Variants in ATP10B observed in about 807,000 individuals in gnomAD.
ATP10B encodes ATPase phospholipid transporting 10B (putative).
ATP10B carries 122 observed loss-of-function variants against 141.2 expected under a neutral mutation model. That is an observed-to-expected ratio of 0.86 (90% CI 0.75 to 1.00). The LOEUF (loss-of-function observed/expected upper bound fraction) is 1.00, where lower values mean the gene tolerates loss of function less well. Ranked by LOEUF, ATP10B falls within the 50% of genes least tolerant of loss-of-function variation. The probability of loss-of-function intolerance (pLI) is 0.00; values close to 1 mark genes in which losing one functional copy is unlikely to be tolerated. For synonymous variants in ATP10B, 685 were observed against 692.0 expected, an observed-to-expected ratio of 0.99 and a Z score of 0.16; for missense variants, 1,876 against 1,825.3, an observed-to-expected ratio of 1.03 and a Z score of -0.51.
chr5:160,693,429 C>T (rs1764190151), intron 3 of ATP10B, among the ~76,000 whole-genome samples: 1 of 151,216 alleles, frequency 6.6e-6, no homozygotes, highest in Non-Finnish European at 1.5e-5. Context: ...CACACACACA[C>T]ACACACACAC....
chr5:160,741,898 A>G (rs1040768399), intron 2 of ATP10B, among the ~76,000 whole-genome samples: 1 of 152,226 alleles, frequency 6.6e-6, no homozygotes, highest in Non-Finnish European at 1.5e-5. Flanking sequence ...AGAAATATTT[A>G]TGGAGCACTT....
At chr5:160,812,857 G>A (rs986252249) in intron 1 of ATP10B, among the ~76,000 whole-genome samples, 1 of 151,852 alleles carries the variant, frequency 6.6e-6, no homozygotes, top group South Asian at 2.1e-4. Flanking sequence ...AGGGCTAACA[G>A]AACTTCCCAA....
At chr5:160,749,549 C>T (rs949978719) in intron 2 of ATP10B, among the ~76,000 whole-genome samples, 1 of 152,106 alleles carries the variant, frequency 6.6e-6, no homozygotes, top group East Asian at 1.9e-4. Context: ...ACGACTGTCA[C>T]TATCATCCCT....
At chr5:160,826,674 C>T (rs1030609238) in intron 1 of ATP10B, among the ~76,000 whole-genome samples, 1 of 152,108 alleles carries the variant, frequency 6.6e-6, no homozygotes, top group Non-Finnish European at 1.5e-5. Context: ...TATAAATGGA[C>T]ATGCAAGTAG....
chr5:160,905,101 TCTG>T, the ATP10B span, among the ~76,000 whole-genome samples: 8 of 152,206 alleles, frequency 5.3e-5, no homozygotes, highest in African/African-American at 1.9e-4. Context: ...TTACAACAAC[TCTG>T]CTATTTACAT....
chr5:160,927,410 C>T, the ATP10B span, among the ~76,000 whole-genome samples: 2 of 152,254 alleles, frequency 1.3e-5, no homozygotes, highest in East Asian at 1.9e-4. Flanking sequence ...GTCAGCAGAG[C>T]CAGTCTTACC....
At chr5:160,915,210 G>C in the ATP10B span, among the ~76,000 whole-genome samples, 1 of 152,212 alleles carries the variant, frequency 6.6e-6, no homozygotes, top group East Asian at 1.9e-4. Context: ...AGGTGGGGAA[G>C]TTGTTTGAAG....
intron 3 of ATP10B, among the ~76,000 whole-genome samples, chr5:160,702,348 C>T (rs1409947710): frequency 1.3e-5 from 2 of 152,110 alleles, no homozygotes; most frequent in Non-Finnish European, 2.9e-5. Context: ...GGTTAAGGAA[C>T]TTGAGAAATC....
intron 6 of ATP10B, among the ~76,000 whole-genome samples, chr5:160,670,942 G>T (rs1008697972): frequency 6.6e-6 from 1 of 151,894 alleles, no homozygotes; most frequent in Admixed American, 6.6e-5. Context: ...CGAGGTGGGT[G>T]GATCATGAGG....
At chr5:160,579,499 G>A (rs1312248696) in intron 24 of ATP10B, among the ~76,000 whole-genome samples, 1 of 152,100 alleles carries the variant, frequency 6.6e-6, no homozygotes, top group Non-Finnish European at 1.5e-5. Context: ...TGATTTCTGA[G>A]GCCTCTGTTC....
At chr5:160,732,638 T>A (rs1347531271) in intron 2 of ATP10B, among the ~76,000 whole-genome samples, 1 of 152,172 alleles carries the variant, frequency 6.6e-6, no homozygotes, top group African/African-American at 2.4e-5. Flanking sequence ...GGGTTCTCTA[T>A]TTTGTTCCAT....
At chr5:160,863,147 G>T in the ATP10B span, among the ~76,000 whole-genome samples, 2 of 151,876 alleles carry the variant, frequency 1.3e-5, no homozygotes, top group African/African-American at 4.8e-5. Flanking sequence ...CTTCCATTAT[G>T]GGATGGAGTT....
the ATP10B span, among the ~76,000 whole-genome samples, chr5:160,867,604 TATG>T: frequency 3.9e-5 from 6 of 152,142 alleles, no homozygotes; most frequent in African/African-American, 1.4e-4. Flanking sequence ...CATGTATCCA[TATG>T]ATATTTTTGA....
At chr5:160,870,807 C>A in the ATP10B span, among the ~76,000 whole-genome samples, 1 of 151,254 alleles carries the variant, frequency 6.6e-6, no homozygotes, top group Non-Finnish European at 1.5e-5. Context: ...TACAGAAAAT[C>A]AAAGACAAAG....
At chr5:160,596,748 AACAG>A (rs1756721062) in intron 22 of ATP10B, among the ~76,000 whole-genome samples, 2 of 152,162 alleles carry the variant, frequency 1.3e-5, no homozygotes, top group African/African-American at 4.8e-5. Flanking sequence ...ATACACCAAT[AACAG>A]ACAAACAGAG....
intron 2 of ATP10B, among the ~76,000 whole-genome samples, chr5:160,767,511 T>C (rs1420638277): frequency 6.6e-6 from 1 of 152,122 alleles, no homozygotes; most frequent in Non-Finnish European, 1.5e-5. Flanking sequence ...CCAAAGTCTC[T>C]CTGAATCCAA....
rs1758819682 is a variant in ATP10B at position 160,629,826 on chromosome 5, A to T, written c.1620+2303T>A. 2.0e-5 allele frequency among the ~76,000 whole-genome samples: 3 copies of T among 152,232 alleles called. No individual in the cohort carries two copies. The South Asian group carries it at 6.2e-4, about 31-fold the overall frequency. On this transcript the variant is annotated intron_variant, in intron 13 of 25. Coordinates refer to ENST00000327245, the MANE Select transcript of ATP10B (RefSeq NM_025153.3). Reference sequence around the variant, plus strand: ...GGTAGCTGAGATGAAAACCTGACACATTAGACTCCACGTGTGCCTAATTCA... The same window carrying T: ...GGTAGCTGAGATGAAAACCTGACACTTTAGACTCCACGTGTGCCTAATTCA...
At chr5:160,752,918 G>A (rs1284870747) in intron 2 of ATP10B, among the ~76,000 whole-genome samples, 1 of 152,138 alleles carries the variant, frequency 6.6e-6, no homozygotes, top group Admixed American at 6.5e-5. Context: ...AACTTTACTA[G>A]CTTCATTTTT....
intron 2 of ATP10B, among the ~76,000 whole-genome samples, chr5:160,782,668 T>G (rs573681387): frequency 6.6e-6 from 1 of 152,220 alleles, no homozygotes; most frequent in East Asian, 1.9e-4. Context: ...AATGTTTTGA[T>G]GTAATTAAAA....
Sources: gnomAD v4.1 joint callset for allele counts (sites outside exome capture counted in the v4.1 genomes callset) on GRCh38, gnomAD v4.1.1 for gene constraint, MANE v1.5 for transcripts, NCBI Gene and HGNC (gene_info 2026-07-23, HGNC 2026-07-21) for gene names.